Variants in BCAR1 observed in about 807,000 individuals in gnomAD.
The protein encoded by BCAR1 is BCAR1 scaffold protein, Cas family member, also known as breast cancer anti-estrogen resistance protein 1.
In BCAR1, 30 loss-of-function variants were observed where a neutral mutation model predicts 67.6. The ratio of observed to expected loss-of-function variants is 0.44; its 90% confidence interval spans 0.33 to 0.60. BCAR1 has a LOEUF of 0.60. BCAR1 is among the 20% of genes least tolerant of loss of function. The pLI is 0.02. For missense variants in BCAR1, 1,313 were observed against 1,222.3 expected (o/e 1.07, Z -1.11); for synonymous variants, 626 against 556.7 (o/e 1.12, Z -1.75).
chr16:75,264,158 G>T (rs1462321866), intron 1 of BCAR1: 1 of 1,323,204 alleles, frequency 7.6e-7, no homozygotes, highest in Non-Finnish European at 9.6e-7. Flanking sequence ...TACAGATGAG[G>T]CACAGTGCCA....
chr16:75,261,845 C>G (rs1413813167), intron 1 of BCAR1, among the ~76,000 whole-genome samples: 2 of 152,224 alleles, frequency 1.3e-5, no homozygotes, highest in Non-Finnish European at 2.9e-5. Context: ...GCTGGCTGCC[C>G]AGGAGTCAGG....
At chr16:75,250,828 T>C in intron 1 of BCAR1, 3 of 985,486 alleles carry the variant, frequency 3.0e-6, no homozygotes, top group Non-Finnish European at 3.6e-6. Context: ...CTAGGACTCC[T>C]GTGGCCAGGA....
chr16:75,264,578 G>A, intron 1 of BCAR1: 1 of 1,309,276 alleles, frequency 7.6e-7, no homozygotes, highest in Non-Finnish European at 9.7e-7. Context: ...CATCAGCACA[G>A]TCTGGAAGCC....
At chr16:75,264,324 T>C in intron 1 of BCAR1, 1 of 1,467,514 alleles carries the variant, frequency 6.8e-7, no homozygotes, top group Non-Finnish European at 9.0e-7. Flanking sequence ...AGAGTGACAT[T>C]CCCTAATCAC....
chr16:75,239,240 C>T (rs943113130), intron 2 of BCAR1, among the ~76,000 whole-genome samples: 7 of 152,268 alleles, frequency 4.6e-5, no homozygotes, highest in South Asian at 2.1e-4. Context: ...GGAGGTCCCC[C>T]GGGGGTTAGG....
At chr16:75,255,397 C>T (rs1040013514), upstream of BCAR1, among the ~76,000 whole-genome samples, 1 of 152,200 alleles carries the variant, frequency 6.6e-6, no homozygotes, top group Non-Finnish European at 1.5e-5. Context: ...GAGCTGACAC[C>T]ATCCCCCTAG....
At position 75,260,318 on chromosome 16, in the gene BCAR1, G is replaced by C. The variant is rs141222496; in HGVS notation, c.66+7597C>G. Among the ~76,000 whole-genome samples the C allele has an allele frequency of 1.1e-3, 169 of 152,130 alleles. 5 individuals are homozygous for C. The East Asian group carries it at 0.029, about 26-fold the overall frequency. Reference sequence around the variant, plus strand: ...CATTTGTTATTTTGATTCGATTGATGGCTACATGAAGGTCTGTATTAATCA... The same window carrying C: ...CATTTGTTATTTTGATTCGATTGATCGCTACATGAAGGTCTGTATTAATCA... On this transcript the variant is annotated intron_variant, in intron 1 of 6. Coordinates refer to the BCAR1 transcript ENST00000393422.
chr16:75,258,824 G>A (rs2151476668), intron 1 of BCAR1, among the ~76,000 whole-genome samples: 1 of 152,318 alleles, frequency 6.6e-6, no homozygotes, highest in East Asian at 1.9e-4. Flanking sequence ...CCTCAGGCTT[G>A]GCTCAGTGGT....
intron 1 of BCAR1, among the ~76,000 whole-genome samples, chr16:75,250,424 G>T (rs2151459901): frequency 6.6e-6 from 1 of 152,330 alleles, no homozygotes; most frequent in South Asian, 2.1e-4. Flanking sequence ...CCAGGGCGAT[G>T]GGAAACATCT....
chr16:75,261,112 A>G (rs2077899199), intron 1 of BCAR1, among the ~76,000 whole-genome samples: 1 of 152,138 alleles, frequency 6.6e-6, no homozygotes, highest in Non-Finnish European at 1.5e-5. Context: ...CATCCCTTCC[A>G]CACTTCTGCC....
chr16:75,256,407 G>A, upstream of BCAR1: 1 of 152,322 alleles, frequency 6.6e-6, no homozygotes, highest in East Asian at 1.9e-4. Flanking sequence ...AATCCCTCCA[G>A]TGGTCATCCC....
chr16:75,240,047 G>A (rs999183062), intron 2 of BCAR1, among the ~76,000 whole-genome samples: 6 of 152,148 alleles, frequency 3.9e-5, no homozygotes, highest in African/African-American at 1.2e-4. Context: ...AAAGAGTCTC[G>A]GTGCCAGTGT....
intron 2 of BCAR1, among the ~76,000 whole-genome samples, chr16:75,241,157 G>A (rs1018781446): frequency 6.6e-6 from 1 of 152,216 alleles, no homozygotes; most frequent in Admixed American, 6.5e-5. Context: ...TCTGTGTGTG[G>A]GGTGAGTATG....
In BCAR1 at chr16:75,235,389, G is replaced by T; in HGVS notation, c.1510C>A (p.Leu504Met). The change falls in exon 5 of 7, where the codon CTG (leucine) becomes ATG (methionine). Residue 504 changes from leucine to methionine, a missense_variant. Coordinates refer to ENST00000162330, the MANE Select transcript of BCAR1 (RefSeq NM_014567.5). Reference protein sequence around the residue: ...SEPQEPLVQDLQAAVAAVQSA... With the variant: ...SEPQEPLVQDMQAAVAAVQSA... Reference sequence around the variant, plus strand: ...TGGACAGCGGCCACAGCAGCCTGCAGGTCCTGCACCAGCGGCTCCTGTGGC... The same window carrying T: ...TGGACAGCGGCCACAGCAGCCTGCATGTCCTGCACCAGCGGCTCCTGTGGC... The T allele has an allele frequency of 6.2e-7, 1 of 1,605,702 alleles. No homozygotes were observed. Among genetic ancestry groups the T allele is most frequent in the South Asian group, 1.1e-5 (1 of 90,978 alleles).
At chr16:75,233,257 C>T (rs534855793) in intron 6 of BCAR1, among the ~76,000 whole-genome samples, 1 of 152,122 alleles carries the variant, frequency 6.6e-6, no homozygotes, top group Non-Finnish European at 1.5e-5. Flanking sequence ...CCTGTAATCC[C>T]AACTACTGGG....
chr16:75,246,457 C>T (rs1401112140), intron 1 of BCAR1: 1 of 152,258 alleles, frequency 6.6e-6, no homozygotes, highest in Non-Finnish European at 1.5e-5. Context: ...TGGGAGAAGG[C>T]CTTTGCATAC....
chr16:75,267,565 C>T (rs1202947681), intron 1 of BCAR1, among the ~76,000 whole-genome samples: 2 of 152,148 alleles, frequency 1.3e-5, no homozygotes, highest in African/African-American at 4.8e-5. Context: ...GGCCACACGC[C>T]CTGCTGTCTC....
intron 6 of BCAR1, among the ~76,000 whole-genome samples, chr16:75,232,701 C>G (rs894459890): frequency 6.6e-6 from 1 of 152,168 alleles, no homozygotes; most frequent in African/African-American, 2.4e-5. Flanking sequence ...TGCCACCCTG[C>G]CACCGTTCTG....
At chr16:75,237,713 A>AC (rs2077190614) in intron 2 of BCAR1, among the ~76,000 whole-genome samples, 1 of 151,848 alleles carries the variant, frequency 6.6e-6, no homozygotes, top group South Asian at 2.1e-4. Context: ...CAGGCAAGGA[A>AC]CCCCCCGTTA....
Sources: gnomAD v4.1 joint callset for allele counts (sites outside exome capture counted in the v4.1 genomes callset) on GRCh38, gnomAD v4.1.1 for gene constraint, MANE v1.5 for transcripts, NCBI Gene and HGNC (gene_info 2026-07-23, HGNC 2026-07-21) for gene names.